The following ELOVL5 variants were observed in gnomAD, a reference collection of about 807,000 sequenced individuals.
The protein encoded by ELOVL5 is ELOVL fatty acid elongase 5, also known as very long chain fatty acid elongase 5.
Under a neutral mutation model 38.6 loss-of-function variants are expected in ELOVL5, and 8 were observed. The ratio of observed to expected loss-of-function variants is 0.21; its 90% confidence interval spans 0.12 to 0.37. ELOVL5 has a LOEUF of 0.37. Among genes scored for constraint, ELOVL5 ranks in the 10% least tolerant of loss-of-function variants. ELOVL5 has a pLI of 1.00. For missense variants in ELOVL5, 280 were observed against 367.8 expected, an observed-to-expected ratio of 0.76 and a Z score of 1.95; for synonymous variants, 127 against 133.7, an observed-to-expected ratio of 0.95 and a Z score of 0.34.
intron 2 of ELOVL5, among the ~76,000 whole-genome samples, chr6:53,292,775 A>C (rs1766823578): frequency 1.3e-5 from 2 of 152,250 alleles, no homozygotes; most frequent in Admixed American, 1.3e-4. Context: ...TGGGCAACAG[A>C]GTGAGACTCC....
At chr6:53,305,623 G>C (rs537460354) in intron 1 of ELOVL5, among the ~76,000 whole-genome samples, 86 of 150,614 alleles carry the variant, frequency 5.7e-4, no homozygotes, top group Non-Finnish European at 8.7e-4. Context: ...GGGCAGAGAC[G>C]CTCCTCACTT....
At chr6:53,339,029 C>T (rs1700349788) in intron 1 of ELOVL5, among the ~76,000 whole-genome samples, 1 of 150,328 alleles carries the variant, frequency 6.7e-6, no homozygotes, top group South Asian at 2.1e-4. Context: ...AAACACATTT[C>T]TTTTTTAAAA....
chr6:53,325,874 G>A (rs545133450), intron 1 of ELOVL5, among the ~76,000 whole-genome samples: 3 of 152,258 alleles, frequency 2.0e-5, no homozygotes, highest in Non-Finnish European at 2.9e-5. Context: ...CATTCCACTC[G>A]ACCAGAAAAC....
chr6:53,287,196 C>T (rs1358490909), intron 3 of ELOVL5, among the ~76,000 whole-genome samples: 2 of 152,062 alleles, frequency 1.3e-5, no homozygotes, highest in East Asian at 1.9e-4. Flanking sequence ...TATTTTAAAG[C>T]GCATTCTCTC....
At chr6:53,281,311 T>C (rs892386240) in intron 3 of ELOVL5, among the ~76,000 whole-genome samples, 1 of 152,224 alleles carries the variant, frequency 6.6e-6, no homozygotes, top group Admixed American at 6.5e-5. Flanking sequence ...CAAGAATACG[T>C]AGGGTTGACC....
At chr6:53,289,409 T>A (rs1313965931) in intron 3 of ELOVL5, among the ~76,000 whole-genome samples, 2 of 151,962 alleles carry the variant, frequency 1.3e-5, no homozygotes, top group Non-Finnish European at 2.9e-5. Flanking sequence ...TTCAATGGAG[T>A]AGAAATGCTA....
chr6:53,291,667 G>C (rs1766779130), intron 3 of ELOVL5, 109 bp downstream of exon 3: 2 of 791,766 alleles, frequency 2.5e-6, no homozygotes, highest in Non-Finnish European at 3.9e-6. Context: ...TGCTTGCCCA[G>C]TTGTCTCTAC....
At chr6:53,300,784 G>T (rs1374165670) in intron 1 of ELOVL5, among the ~76,000 whole-genome samples, 2 of 152,220 alleles carry the variant, frequency 1.3e-5, no homozygotes, top group Admixed American at 6.5e-5. Context: ...GGTCAGTCAT[G>T]AGAGCTTTCT....
At chr6:53,277,807 T>G (rs910310652) in intron 3 of ELOVL5, 2 of 152,372 alleles carry the variant, frequency 1.3e-5, no homozygotes, top group Admixed American at 1.3e-4. Flanking sequence ...GAAGCTGGCA[T>G]GCACTCTTGA....
At chr6:53,330,057 T>C (rs1268521110) in intron 1 of ELOVL5, among the ~76,000 whole-genome samples, 3 of 152,178 alleles carry the variant, frequency 2.0e-5, no homozygotes, top group Non-Finnish European at 4.4e-5. Context: ...CTTAGAAATA[T>C]GTCACTGGGC....
At chr6:53,270,554 G>A (rs770050425) in intron 7 of ELOVL5, 39 bp downstream of exon 7, 1 of 1,609,696 alleles carries the variant, frequency 6.2e-7, no homozygotes, top group East Asian at 2.2e-5. Flanking sequence ...TGTTGGTAAA[G>A]GCCCCAGATT....
intron 1 of ELOVL5, among the ~76,000 whole-genome samples, chr6:53,329,008 C>G (rs956589407): frequency 2.6e-5 from 4 of 152,192 alleles, no homozygotes; most frequent in African/African-American, 4.8e-5. Flanking sequence ...ACCAGCCCAC[C>G]TGGTGAAGTT....
chr6:53,298,241 G>A (rs1767096828), intron 1 of ELOVL5, among the ~76,000 whole-genome samples: 5 of 152,138 alleles, frequency 3.3e-5, no homozygotes, highest in Admixed American at 3.3e-4. Flanking sequence ...CCAAATGAAA[G>A]GAAATAAGGA....
intron 1 of ELOVL5, among the ~76,000 whole-genome samples, chr6:53,299,212 A>G (rs1424925027): frequency 6.6e-6 from 1 of 152,168 alleles, no homozygotes; most frequent in Non-Finnish European, 1.5e-5. Context: ...GTTCAAAACC[A>G]TGCTGTAACA....
chr6:53,273,395 G>T, intron 5 of ELOVL5, 51 bp from the exon 6 acceptor site: 1 of 1,499,734 alleles, frequency 6.7e-7, no homozygotes, highest in South Asian at 1.2e-5. Context: ...GTTTTAAACA[G>T]AACAGGTGGT....
In ELOVL5 at chr6:53,274,902, G is replaced by C. The variant is rs548576920; in HGVS notation, c.496+188C>G. Among the ~76,000 whole-genome samples the C allele has an allele frequency of 2.0e-5, 3 of 152,288 alleles. No homozygotes were observed. The South Asian group carries it at 6.2e-4, about 32-fold the overall frequency. On this transcript the variant is annotated intron_variant, in intron 5 of 7. Transcript: ENST00000304434. ...TCCCTCATCTCACCCAATCAGCACA[G>C]AAAGTTCACTTAACTAAAAAAGGGT... is the stretch of plus-strand genomic sequence containing the variant.
chr6:53,269,421 T>A, intron 7 of ELOVL5, 151 bp from the exon 8 acceptor site: 2 of 512,638 alleles, frequency 3.9e-6, no homozygotes, highest in Non-Finnish European at 6.3e-6. Context: ...ATTGACTAAA[T>A]CTTTTGTCAC....
rs13208390 is a variant in ELOVL5 at position 53,316,907 on chromosome 6, T to G, written c.-8-21200A>C. Among the ~76,000 whole-genome samples the G allele has an allele frequency of 8.0e-3, 1,215 of 152,316 alleles. 8 individuals carry two copies. Among genetic ancestry groups the G allele is most frequent in the Non-Finnish European group, 0.013 (879 of 68,032 alleles). On this transcript the variant is annotated intron_variant, in intron 1 of 7. Transcript: ENST00000304434. Reference sequence around the variant, plus strand: ...ATAGTCTCGTGTATGTTTCATAACCTGTTCGATTAGGAGGCATGTCATATA... The same window carrying G: ...ATAGTCTCGTGTATGTTTCATAACCGGTTCGATTAGGAGGCATGTCATATA...
chr6:53,293,991 T>C (rs1389433709), intron 2 of ELOVL5: 2 of 816,136 alleles, frequency 2.5e-6, no homozygotes, highest in East Asian at 9.1e-5. Context: ...TGGCTGTCAA[T>C]TTTAAGAAAA....
Sources: allele counts gnomAD v4.1 joint callset (sites outside exome capture counted in the v4.1 genomes callset), GRCh38; gene constraint gnomAD v4.1.1; transcripts MANE v1.5; gene names NCBI Gene and HGNC (gene_info 2026-07-23, HGNC 2026-07-21).